PLCL1: variants seen among roughly 807,000 people sequenced by gnomAD.
PLCL1 encodes inactive phospholipase C-like protein 1.
In PLCL1, 41 loss-of-function variants were observed where a neutral mutation model predicts 84.4. The observed-to-expected ratio is 0.49, with a 90% CI of 0.38 to 0.63. The LOEUF is 0.63. Ranked by LOEUF, PLCL1 falls within the 30% of genes least tolerant of loss-of-function variation. The probability of loss-of-function intolerance (pLI) is 0.00; values close to 1 mark genes in which losing one functional copy is unlikely to be tolerated. For missense variants in PLCL1, 1,206 were observed against 1,367.8 expected, an observed-to-expected ratio of 0.88 and a Z score of 1.87; for synonymous variants, 490 against 488.3, an observed-to-expected ratio of 1.00 and a Z score of -0.05.
intron 1 of PLCL1, among the ~76,000 whole-genome samples, chr2:197,941,819 T>C (rs905706457): frequency 6.6e-6 from 1 of 152,134 alleles, no homozygotes; most frequent in African/African-American, 2.4e-5. Flanking sequence ...TTTAATACTG[T>C]TTGGAATTAT....
chr2:197,864,604 C>A (rs1276152615), intron 1 of PLCL1, among the ~76,000 whole-genome samples: 2 of 151,894 alleles, frequency 1.3e-5, no homozygotes, highest in Admixed American at 1.3e-4. Context: ...CCTCAGCCTC[C>A]CAAGTAGCTG....
intron 1 of PLCL1, among the ~76,000 whole-genome samples, chr2:198,036,083 G>T (rs954216493): frequency 1.3e-5 from 2 of 152,270 alleles, no homozygotes; most frequent in African/African-American, 2.4e-5. Flanking sequence ...ATCATCATTT[G>T]TTAACTACCA....
chr2:197,810,638 G>A (rs1482771474), intron 1 of PLCL1, among the ~76,000 whole-genome samples: 4 of 152,140 alleles, frequency 2.6e-5, no homozygotes, highest in African/African-American at 4.8e-5. Flanking sequence ...AAGATATCAG[G>A]AGACAGCCGA....
intron 1 of PLCL1, among the ~76,000 whole-genome samples, chr2:197,828,773 C>T (rs1002155441): frequency 6.6e-6 from 1 of 152,070 alleles, no homozygotes; most frequent in Admixed American, 6.6e-5. Flanking sequence ...GCTGTTATGT[C>T]CCCTTAGGAA....
chr2:198,039,000 G>A (rs954493530), intron 1 of PLCL1, among the ~76,000 whole-genome samples: 1 of 152,048 alleles, frequency 6.6e-6, no homozygotes, highest in African/African-American at 2.4e-5. Flanking sequence ...GTGCAATATT[G>A]CTTTTTTGAA....
At chr2:198,106,483 C>T (rs1051124668) in intron 5 of PLCL1, among the ~76,000 whole-genome samples, 34 of 151,712 alleles carry the variant, frequency 2.2e-4, no homozygotes, top group African/African-American at 8.0e-4. Context: ...GCAGGGATGA[C>T]CTAGAGCTGT....
intron 1 of PLCL1, among the ~76,000 whole-genome samples, chr2:197,944,305 G>A (rs892596590): frequency 5.9e-5 from 9 of 152,182 alleles, no homozygotes; most frequent in African/African-American, 1.9e-4. Flanking sequence ...TGCTGATTCC[G>A]GGGTTGAAGG....
At chr2:198,127,559 C>T (rs918545897) in intron 5 of PLCL1, among the ~76,000 whole-genome samples, 1 of 152,092 alleles carries the variant, frequency 6.6e-6, no homozygotes, top group African/African-American at 2.4e-5. Flanking sequence ...TCAGGTTTTG[C>T]TAAGAAAGAT....
At chr2:197,912,693 A>G (rs1203707182) in intron 1 of PLCL1, among the ~76,000 whole-genome samples, 15 of 146,874 alleles carry the variant, frequency 1.0e-4, no homozygotes, top group African/African-American at 3.8e-4. Flanking sequence ...CTATCGCAAG[A>G]ACAAAAAACC....
intron 1 of PLCL1, among the ~76,000 whole-genome samples, chr2:198,055,970 T>C (rs1692061535): frequency 6.6e-6 from 1 of 152,078 alleles, no homozygotes; most frequent in African/African-American, 2.4e-5. Flanking sequence ...GGTGGGCAGG[T>C]TCCAAGTAGG....
At chr2:198,048,170 C>T (rs943837195) in intron 1 of PLCL1, among the ~76,000 whole-genome samples, 2 of 152,104 alleles carry the variant, frequency 1.3e-5, no homozygotes, top group Non-Finnish European at 2.9e-5. Context: ...AATGAGTTTC[C>T]CAGTCCTGTT....
At chr2:197,825,596 A>G (rs1690911763) in intron 1 of PLCL1, among the ~76,000 whole-genome samples, 1 of 152,172 alleles carries the variant, frequency 6.6e-6, no homozygotes, top group Non-Finnish European at 1.5e-5. Context: ...AAGACAACTC[A>G]TTCTCTTCTA....
intron 1 of PLCL1, among the ~76,000 whole-genome samples, chr2:197,975,834 C>T (rs1276460197): frequency 6.6e-6 from 1 of 152,016 alleles, no homozygotes; most frequent in South Asian, 2.1e-4. Flanking sequence ...ACAACAACAA[C>T]AACGACAACA....
intron 1 of PLCL1, among the ~76,000 whole-genome samples, chr2:197,975,279 AT>A (rs34198712): frequency 0.48 from 72,691 of 151,538 alleles, 17,833 homozygotes; most frequent in Middle Eastern, 0.58. Flanking sequence ...CAAGGTAGGT[AT>A]TTTTATTTCC....
chr2:197,992,925 G>A (rs1481352212), intron 1 of PLCL1, among the ~76,000 whole-genome samples: 2 of 152,128 alleles, frequency 1.3e-5, no homozygotes, highest in East Asian at 3.9e-4. Context: ...AGGGTACTTG[G>A]GTTACTTCCA....
At chr2:197,847,173 A>G (rs1687133042) in intron 1 of PLCL1, among the ~76,000 whole-genome samples, 1 of 152,166 alleles carries the variant, frequency 6.6e-6, no homozygotes, top group Non-Finnish European at 1.5e-5. Flanking sequence ...GTACCAGCAT[A>G]AACATGTTCC....
At chr2:197,855,691 G>T (rs1210602690) in intron 1 of PLCL1, among the ~76,000 whole-genome samples, 2 of 152,032 alleles carry the variant, frequency 1.3e-5, no homozygotes, top group East Asian at 3.8e-4. Context: ...ATGTAGGTTT[G>T]CCAACTTGAT....
chr2:198,079,064 T>C (rs1403328491), intron 1 of PLCL1, among the ~76,000 whole-genome samples: 2 of 152,024 alleles, frequency 1.3e-5, no homozygotes, highest in African/African-American at 4.8e-5. Context: ...CCAAAACTTG[T>C]ATTGAATAAG....
At chr2:198,047,090 T>C (rs934624937) in intron 1 of PLCL1, among the ~76,000 whole-genome samples, 2 of 152,120 alleles carry the variant, frequency 1.3e-5, no homozygotes, top group African/African-American at 4.8e-5. Context: ...AGAGCTTTTC[T>C]AGAAATTGTG....
Sources: allele counts gnomAD v4.1 joint callset (sites outside exome capture counted in the v4.1 genomes callset), GRCh38; gene constraint gnomAD v4.1.1; transcripts MANE v1.5; gene names NCBI Gene and HGNC (gene_info 2026-07-23, HGNC 2026-07-21).